ATP9B: variants seen among roughly 807,000 people sequenced by gnomAD.
ATP9B encodes the protein probable phospholipid-transporting ATPase IIB.
In ATP9B, 110 loss-of-function variants were observed where a neutral mutation model predicts 146.1. That is an observed-to-expected ratio of 0.75 (90% CI 0.65 to 0.88). The LOEUF (loss-of-function observed/expected upper bound fraction) is 0.88. Among genes scored for constraint, ATP9B ranks in the 40% least tolerant of loss-of-function variants. The pLI, the probability that ATP9B is intolerant of heterozygous loss-of-function variation, is 0.00. For missense variants in ATP9B, 1,499 were observed against 1,496.4 expected (o/e 1.00, Z -0.03); for synonymous variants, 604 against 569.7 (o/e 1.06, Z -0.86).
At chr18:79,342,882 T>C (rs1035939017) in intron 20 of ATP9B, among the ~76,000 whole-genome samples, 1 of 152,202 alleles carries the variant, frequency 6.6e-6, no homozygotes, top group Non-Finnish European at 1.5e-5. Context: ...AAATACAAAA[T>C]AGAAATGTGT....
rs186909101 is a variant in ATP9B, at chr18:79,346,969, T to G, written c.2683-801T>G. 1.8e-3 allele frequency among the ~76,000 whole-genome samples: 274 copies of G among 152,362 alleles called. 1 individual carries two copies. Among genetic ancestry groups the G allele is most frequent in the Admixed American group, 7.1e-3 (108 of 15,304 alleles). On this transcript the variant is annotated intron_variant, in intron 23 of 29. Transcript: ENST00000426216. ...TGCCACGTGCATTACAGCCTAGCCC[T>G]CGGCGACTTGCTGTTGGCGGACTGG...
chr18:79,231,343 T>C (rs1599111131), intron 11 of ATP9B, among the ~76,000 whole-genome samples: 1 of 151,780 alleles, frequency 6.6e-6, no homozygotes. Flanking sequence ...AGGACATGAA[T>C]GGACAATTCT....
chr18:79,226,848 C>T (rs574718445), intron 11 of ATP9B, among the ~76,000 whole-genome samples: 62 of 152,214 alleles, frequency 4.1e-4, no homozygotes, highest in African/African-American at 1.5e-3. Flanking sequence ...GAAAGGAGTG[C>T]ACATTGACTG....
chr18:79,320,650 A>G (rs1464639588), intron 15 of ATP9B, among the ~76,000 whole-genome samples: 2 of 152,188 alleles, frequency 1.3e-5, no homozygotes, highest in Non-Finnish European at 2.9e-5. Context: ...GGTTGTCTTT[A>G]CTGGATCTGC....
chr18:79,268,675 T>C (rs1241359749), intron 12 of ATP9B, among the ~76,000 whole-genome samples: 1 of 152,250 alleles, frequency 6.6e-6, no homozygotes, highest in Non-Finnish European at 1.5e-5. Context: ...CTGGTTATTC[T>C]TAAACCTAAC....
chr18:79,164,743 G>A (rs1039246269), intron 7 of ATP9B, among the ~76,000 whole-genome samples: 1 of 151,982 alleles, frequency 6.6e-6, no homozygotes, highest in Non-Finnish European at 1.5e-5. Flanking sequence ...AATAAAATTG[G>A]TGAGGTAGTT....
At chr18:79,178,285 C>T (rs932098589) in intron 8 of ATP9B, among the ~76,000 whole-genome samples, 2 of 152,172 alleles carry the variant, frequency 1.3e-5, no homozygotes, top group Admixed American at 6.5e-5. Context: ...TCTCTGTGTC[C>T]TTGCCGCCTT....
At chr18:79,078,663 GTT>G (rs34895093) in intron 1 of ATP9B, among the ~76,000 whole-genome samples, 6 of 143,172 alleles carry the variant, frequency 4.2e-5, no homozygotes, top group South Asian at 2.3e-4. Flanking sequence ...GTATAGTTCA[GTT>G]TTTTTTTTTT....
intron 1 of ATP9B, among the ~76,000 whole-genome samples, chr18:79,073,117 C>T (rs1049074217): frequency 3.7e-4 from 55 of 147,712 alleles, no homozygotes; most frequent in Middle Eastern, 7.1e-3. Flanking sequence ...GGGTGGCGGC[C>T]GGGAAGAGGC....
At chr18:79,202,095 C>G (rs1180648301) in intron 9 of ATP9B, among the ~76,000 whole-genome samples, 1 of 152,046 alleles carries the variant, frequency 6.6e-6, no homozygotes, top group Non-Finnish European at 1.5e-5. Flanking sequence ...AAAATTAATT[C>G]AAGGTCCCTG....
chr18:79,202,020 T>C (rs1368514547), intron 9 of ATP9B, among the ~76,000 whole-genome samples: 1 of 152,178 alleles, frequency 6.6e-6, no homozygotes. Context: ...ATTGTACCAC[T>C]GCACTGCAGC....
At chr18:79,343,800 G>C in intron 20 of ATP9B, 1 of 231,190 alleles carries the variant, frequency 4.3e-6, no homozygotes, top group South Asian at 5.8e-5. Flanking sequence ...ACTCTCAGCA[G>C]CGCTGCTCCC....
chr18:79,376,674 G>A (rs1259549787), intron 29 of ATP9B, among the ~76,000 whole-genome samples: 1 of 150,234 alleles, frequency 6.7e-6, no homozygotes. Context: ...ACAGGCGTGA[G>A]CCACCATGGC....
At position 79,113,365 on chromosome 18, in the gene ATP9B, A is replaced by C. The variant is rs769754514; in HGVS notation, c.558+11A>C. On this transcript the variant is annotated intron_variant, in intron 4 of 29. Transcript: ENST00000426216. The stretch of plus-strand genomic sequence containing the variant: ...TACTGGGCTCCTCTGGTAAGAAAAG[A>C]CTTTAAAAATTAAGTTAAATTATGA... 2 of 1,414,158 alleles carry C rather than the reference A, an allele frequency of 1.4e-6. No individual in the cohort carries two copies. Among genetic ancestry groups the C allele is most frequent in the Middle Eastern group, 1.8e-4 (1 of 5,460 alleles). The allele number at this position is 1,414,158 out of a possible 1,614,324, so 87.6% of individuals were successfully genotyped here.
At chr18:79,234,562 GCTGCTGTGGGCT>G in intron 11 of ATP9B, among the ~76,000 whole-genome samples, 1 of 151,428 alleles carries the variant, frequency 6.6e-6, no homozygotes, top group Non-Finnish European at 1.5e-5. Flanking sequence ...CTGCGGGCGT[GCTGCTGTGGGCT>G]TGCTTGCTGT....
At chr18:79,095,082 C>G (rs1480198382) in intron 1 of ATP9B, among the ~76,000 whole-genome samples, 1 of 152,174 alleles carries the variant, frequency 6.6e-6, no homozygotes, top group African/African-American at 2.4e-5. Context: ...ACTGACCTAT[C>G]TCTAAATTGC....
chr18:79,114,871 C>A (rs1307824683), intron 4 of ATP9B: 4 of 152,860 alleles, frequency 2.6e-5, no homozygotes, highest in Non-Finnish European at 4.4e-5. Context: ...GACCTGAAAA[C>A]CAGATTCAGC....
chr18:79,206,804 G>A (rs1410219484), intron 9 of ATP9B, 133 bp from the exon 10 acceptor site: 7 of 707,514 alleles, frequency 9.9e-6, no homozygotes, highest in Admixed American at 3.1e-5. Context: ...TCTAACGTCT[G>A]TTTTGCAGTG....
rs368352912 is a variant in ATP9B at position 79,344,466 on chromosome 18, ATGTCTGTCTGTC to A, written c.2472+124_2472+135del. 1.4e-5 allele frequency: 13 copies of A among 921,174 alleles called. No homozygotes were observed. In the African/African-American group the frequency reaches 1.8e-4, roughly 13 times the overall value. 57.1% of individuals were successfully genotyped at this position (921,174 alleles called of 1,614,324 possible). The stretch of plus-strand genomic sequence containing the variant: ...GCAAGGCTGGACCCTGAGTGAGTAC[ATGTCTGTCTGTC>A]TGTCTGTCTGTGTCTCTGAGGCAAG... On this transcript the variant is annotated intron_variant, in intron 21 of 29. Transcript: ENST00000426216.
Sources: allele counts gnomAD v4.1 joint callset (sites outside exome capture counted in the v4.1 genomes callset), GRCh38; gene constraint gnomAD v4.1.1; transcripts MANE v1.5; gene names NCBI Gene and HGNC (gene_info 2026-07-23, HGNC 2026-07-21).